Variants in SOX6 observed in about 807,000 individuals in gnomAD.
The protein encoded by SOX6 is transcription factor SOX-6.
Under a neutral mutation model 97.8 loss-of-function variants are expected in SOX6, and 11 were observed. The ratio of observed to expected loss-of-function variants is 0.11; its 90% CI spans 0.07 to 0.19. The LOEUF (loss-of-function observed/expected upper bound fraction) is 0.19. SOX6 is among the 10% of genes least tolerant of loss of function. SOX6 has a pLI of 1.00. For synonymous variants in SOX6, 360 were observed against 371.4 expected, an observed-to-expected ratio of 0.97 and a Z score of 0.35; for missense variants, 810 against 1,039.5, an observed-to-expected ratio of 0.78 and a Z score of 3.04.
At chr11:16,037,582 T>C (rs1855551756) in intron 12 of SOX6, among the ~76,000 whole-genome samples, 1 of 152,152 alleles carries the variant, frequency 6.6e-6, no homozygotes, top group Non-Finnish European at 1.5e-5. Flanking sequence ...AGCTTTTTGA[T>C]ATAACCTGTA....
chr11:16,358,370 G>A (rs577990713), upstream of SOX6, among the ~76,000 whole-genome samples: 1 of 152,010 alleles, frequency 6.6e-6, no homozygotes, highest in Non-Finnish European at 1.5e-5. Flanking sequence ...TATTTTACAA[G>A]AAAATTCTCA....
At chr11:16,430,708 T>C (rs1346821949) in intron 1 of SOX6, among the ~76,000 whole-genome samples, 1 of 152,162 alleles carries the variant, frequency 6.6e-6, no homozygotes, top group Non-Finnish European at 1.5e-5. Context: ...TAAATTTCTG[T>C]TGTTTATAAG....
At chr11:16,663,360 G>A (rs1847780530) in intron 3 of SOX6, among the ~76,000 whole-genome samples, 1 of 151,862 alleles carries the variant, frequency 6.6e-6, no homozygotes, top group South Asian at 2.1e-4. Flanking sequence ...GTGTCACTTT[G>A]TCAACCAACC....
chr11:16,095,950 C>T lies in SOX6; in HGVS notation c.1101+46G>A, dbSNP rs773421126. The T allele has an allele frequency of 1.0e-5, 15 of 1,473,728 alleles. No homozygotes were observed. The Middle Eastern group carries it at 2.3e-3, about 229-fold the overall frequency. The allele number at this position is 1,473,728 out of a possible 1,614,324, so 91.3% of individuals were successfully genotyped here. A position where few individuals can be genotyped will look rare whatever the true frequency, so the allele number is the denominator to read the frequency against. ...AAAAAAAGCCTAGAGTATGACTGAA[C>T]AATCCAGTCCCCAACCCAATGAAGC... On this transcript the variant is annotated intron_variant, in intron 9 of 15. Coordinates refer to ENST00000683767, the MANE Select transcript of SOX6 (RefSeq NM_001367873.1).
intron 9 of SOX6, among the ~76,000 whole-genome samples, chr11:16,060,443 G>C (rs74338969): frequency 0.011 from 1,608 of 151,882 alleles, 27 homozygotes; most frequent in African/African-American, 0.037. Context: ...CTGGACAGTA[G>C]GATATCAGGT....
intron 1 of SOX6, among the ~76,000 whole-genome samples, chr11:16,351,884 A>G (rs990078207): frequency 2.6e-5 from 4 of 152,092 alleles, no homozygotes; most frequent in African/African-American, 7.2e-5. Flanking sequence ...CCCCAACCGC[A>G]TTACAAACTT....
At chr11:16,622,988 T>C (rs1235298815) in intron 3 of SOX6, among the ~76,000 whole-genome samples, 1 of 152,168 alleles carries the variant, frequency 6.6e-6, no homozygotes, top group African/African-American at 2.4e-5. Flanking sequence ...TATTGCATTG[T>C]GGTTTTGATT....
At chr11:16,361,348 C>T (rs1036146435), upstream of SOX6, among the ~76,000 whole-genome samples, 1 of 152,046 alleles carries the variant, frequency 6.6e-6, no homozygotes, top group Non-Finnish European at 1.5e-5. Context: ...TTAAACAACT[C>T]TCACGTCTTA....
chr11:16,379,414 C>T (rs1857741620), intron 1 of SOX6, among the ~76,000 whole-genome samples: 1 of 151,586 alleles, frequency 6.6e-6, no homozygotes, highest in African/African-American at 2.4e-5. Flanking sequence ...TGTGGTGAGC[C>T]GAGATTGTGC....
rs769150354 is a variant in SOX6 at position 16,656,807 on chromosome 11, A to C, written n.430-44547T>G. Among the ~76,000 whole-genome samples, 48 of 152,160 alleles carry C rather than the reference A, an allele frequency of 3.2e-4. 1 individual carries two copies. The highest frequency in any genetic ancestry group is 6.0e-4 in the Non-Finnish European group (41 of 68,018). ...TATTACATTGTTTTTAAATTAGTAGATTTTTTTAAATAAATGTTTTAGGTT... is the reference window on the plus strand; with the variant it reads ...TATTACATTGTTTTTAAATTAGTAGCTTTTTTTAAATAAATGTTTTAGGTT... On this transcript the variant is annotated intron_variant and non_coding_transcript_variant, in intron 3 of 5. Transcript: ENST00000524520.
intron 9 of SOX6, among the ~76,000 whole-genome samples, chr11:16,082,126 C>G (rs986264609): frequency 1.3e-5 from 2 of 152,096 alleles, no homozygotes; most frequent in Admixed American, 1.3e-4. Flanking sequence ...TTTTTCCCAT[C>G]TTTTTAGAAT....
At chr11:16,596,911 C>T (rs1848218352) in intron 4 of SOX6, among the ~76,000 whole-genome samples, 1 of 152,040 alleles carries the variant, frequency 6.6e-6, no homozygotes, top group African/African-American at 2.4e-5. Flanking sequence ...ACGGGAAATG[C>T]AGCAATAATT....
chr11:16,657,032 C>T (rs1847725323), intron 3 of SOX6, among the ~76,000 whole-genome samples: 1 of 152,178 alleles, frequency 6.6e-6, no homozygotes, highest in Non-Finnish European at 1.5e-5. Flanking sequence ...TGTGTTTTCA[C>T]ACTGCTTAAT....
intron 9 of SOX6, among the ~76,000 whole-genome samples, chr11:16,066,938 C>T (rs1848107586): frequency 6.6e-6 from 1 of 152,110 alleles, no homozygotes; most frequent in Non-Finnish European, 1.5e-5. Context: ...CATTTTGAAG[C>T]TTTAAGATTT....
chr11:16,246,949 C>T (rs974888063), intron 3 of SOX6, among the ~76,000 whole-genome samples: 4 of 152,000 alleles, frequency 2.6e-5, no homozygotes, highest in African/African-American at 7.2e-5. Flanking sequence ...TTTTTAAATA[C>T]ATAGCAAATT....
chr11:16,076,806 T>G (rs60064611), intron 9 of SOX6, among the ~76,000 whole-genome samples: 1 of 138,436 alleles, frequency 7.2e-6, no homozygotes, highest in Non-Finnish European at 1.5e-5. Context: ...GACTGCGGAC[T>G]GCAGTGGCGC....
At chr11:16,423,644 T>A (rs1859064132) in intron 1 of SOX6, among the ~76,000 whole-genome samples, 1 of 152,086 alleles carries the variant, frequency 6.6e-6, no homozygotes, top group African/African-American at 2.4e-5. Flanking sequence ...AAAAGGAGAT[T>A]GACTTAGGGG....
At chr11:16,189,417 A>G (rs28702074) in intron 4 of SOX6, among the ~76,000 whole-genome samples, 9 of 39,418 alleles carry the variant, frequency 2.3e-4, no homozygotes, top group Non-Finnish European at 5.1e-4. Flanking sequence ...GTGTGTGTGC[A>G]TGTGTGTGTG....
chr11:16,022,367 CT>C, intron 12 of SOX6, among the ~76,000 whole-genome samples: 4 of 148,580 alleles, frequency 2.7e-5, no homozygotes, highest in African/African-American at 7.5e-5. Flanking sequence ...TCCTTCCTTC[CT>C]TCCTTCCTCC....
Sources: allele counts gnomAD v4.1 joint callset (sites outside exome capture counted in the v4.1 genomes callset), GRCh38; gene constraint gnomAD v4.1.1; transcripts MANE v1.5; gene names NCBI Gene and HGNC (gene_info 2026-07-23, HGNC 2026-07-21).